MTHFD2L: variants seen among roughly 807,000 people sequenced by gnomAD.
The protein encoded by MTHFD2L is methylenetetrahydrofolate dehydrogenase (NADP+ dependent) 2 like, also known as bifunctional methylenetetrahydrofolate dehydrogenase/cyclohydrolase 2, mitochondrial.
In MTHFD2L, 29 loss-of-function variants were observed where a neutral mutation model predicts 34.9. The ratio of observed to expected loss-of-function variants is 0.83; its 90% CI spans 0.62 to 1.13. The LOEUF is 1.13. Among genes scored for constraint, MTHFD2L ranks in the 50% most tolerant of loss-of-function variants. The pLI, the probability that MTHFD2L is intolerant of heterozygous loss-of-function variation, is 0.00. For synonymous variants in MTHFD2L, 167 were observed against 155.7 expected (o/e 1.07, Z -0.54); for missense variants, 481 against 446.5 (o/e 1.08, Z -0.70).
intron 1 of MTHFD2L, among the ~76,000 whole-genome samples, chr4:74,149,205 T>A (rs1723783619): frequency 6.6e-6 from 1 of 151,888 alleles, no homozygotes; most frequent in Non-Finnish European, 1.5e-5. Flanking sequence ...AGTGGTTTCC[T>A]GCTGTTGGGT....
chr4:74,158,288 G>A lies in MTHFD2L; in HGVS notation c.143+7G>A. 1 of 1,305,712 alleles carries A rather than the reference G, an allele frequency of 7.7e-7. No homozygotes were observed. The highest frequency in any genetic ancestry group is 9.7e-7 in the Non-Finnish European group (1 of 1,026,668). 80.9% of individuals were successfully genotyped at this position (1,305,712 alleles called of 1,614,324 possible). A position where few individuals can be genotyped will look rare whatever the true frequency, so the allele number is the denominator to read the frequency against. On this transcript the variant is annotated splice_region_variant and intron_variant, in intron 1 of 7. Coordinates refer to ENST00000325278, the MANE Select transcript of MTHFD2L (RefSeq NM_001144978.3). Reference sequence around the variant, plus strand: ...TTCGGAGCAGCGGTGTGAGGTACGAGGGCTGCGGGCGCCGGGTGCGGAGCC... The same window carrying A: ...TTCGGAGCAGCGGTGTGAGGTACGAAGGCTGCGGGCGCCGGGTGCGGAGCC...
chr4:74,265,377 A>G (rs948558634), intron 6 of MTHFD2L, among the ~76,000 whole-genome samples: 2 of 152,194 alleles, frequency 1.3e-5, no homozygotes, highest in African/African-American at 4.8e-5. Flanking sequence ...TCTCATGGCC[A>G]TGGCAGAAAT....
Position 74,225,292 on chromosome 4 carries a change from T to G in MTHFD2L, c.713-10T>G. ...CAGTAATCACTGATAGAAATTCTTCTGTATTCCAGGTGATGCAACTGTGAC... is the reference window on the plus strand; with the variant it reads ...CAGTAATCACTGATAGAAATTCTTCGGTATTCCAGGTGATGCAACTGTGAC... On this transcript the variant is annotated splice_polypyrimidine_tract_variant and intron_variant, in intron 5 of 7. Transcript: ENST00000325278. 1 of 1,603,034 alleles carries G rather than the reference T, an allele frequency of 6.2e-7. No individual in the cohort carries two copies. The highest frequency in any genetic ancestry group is 1.7e-4 in the Middle Eastern group (1 of 6,000).
chr4:74,168,001 G>GCTA (rs1727114509), intron 1 of MTHFD2L, among the ~76,000 whole-genome samples: 1 of 151,868 alleles, frequency 6.6e-6, no homozygotes. Context: ...CACCTCCATG[G>GCTA]CTACCCCTTT....
Position 74,174,643 on chromosome 4 carries a change from C to G in MTHFD2L, c.281C>G (p.Ala94Gly). Reference sequence around the variant, plus strand: ...ATAATTTTAGTGGGAGATAACCCAGCAAGCCATACATATGTCAGGAATAAG... The same window carrying G: ...ATAATTTTAGTGGGAGATAACCCAGGAAGCCATACATATGTCAGGAATAAG... Reference protein sequence around the residue: ...LSIILVGDNPASHTYVRNKIR... With the variant: ...LSIILVGDNPGSHTYVRNKIR... Residue 94 changes from alanine to glycine, a missense_variant, in exon 2 of 8, where the codon GCA becomes GGA. Ala to Gly is a moderately conservative substitution (Grantham distance 60, BLOSUM62 0). Transcript: ENST00000325278. 2 of 1,597,356 alleles carry G rather than the reference C, an allele frequency of 1.3e-6. No homozygotes were observed. The highest frequency in any genetic ancestry group is 2.3e-5 in the East Asian group (1 of 43,896).
At chr4:74,169,776 C>G (rs1336076430) in intron 1 of MTHFD2L, among the ~76,000 whole-genome samples, 1 of 152,086 alleles carries the variant, frequency 6.6e-6, no homozygotes, top group African/African-American at 2.4e-5. Context: ...CATAAAATAT[C>G]CTTACCAGAA....
intron 1 of MTHFD2L, among the ~76,000 whole-genome samples, chr4:74,169,250 T>C (rs1461387330): frequency 2.6e-5 from 4 of 152,344 alleles, no homozygotes; most frequent in East Asian, 1.9e-4. Context: ...GTATGCACGG[T>C]ACAGTTAAGT....
chr4:74,145,834 C>T (rs947929719), intron 1 of MTHFD2L, among the ~76,000 whole-genome samples: 3 of 152,126 alleles, frequency 2.0e-5, no homozygotes, highest in Admixed American at 6.5e-5. Flanking sequence ...AGCACCTTTT[C>T]CCCTGCTCTC....
At chr4:74,244,580 A>G (rs1228431222) in intron 6 of MTHFD2L, among the ~76,000 whole-genome samples, 2 of 152,204 alleles carry the variant, frequency 1.3e-5, no homozygotes, top group Non-Finnish European at 2.9e-5. Flanking sequence ...GTATAATGAT[A>G]TGTGGCAATG....
At chr4:74,134,170 C>T (rs936646599) in intron 1 of MTHFD2L, among the ~76,000 whole-genome samples, 1 of 152,146 alleles carries the variant, frequency 6.6e-6, no homozygotes, top group Non-Finnish European at 1.5e-5. Context: ...ACTGTGACTG[C>T]CTGGAGGGAG....
chr4:74,173,917 C>T (rs1299130667), intron 1 of MTHFD2L, among the ~76,000 whole-genome samples: 3 of 152,094 alleles, frequency 2.0e-5, no homozygotes, highest in East Asian at 3.9e-4. Context: ...TGTACACTGT[C>T]GTTAGCATCT....
intron 6 of MTHFD2L, among the ~76,000 whole-genome samples, chr4:74,228,520 A>T (rs1050598334): frequency 6.6e-6 from 1 of 152,234 alleles, no homozygotes; most frequent in Non-Finnish European, 1.5e-5. Context: ...ATCTCTCATC[A>T]TGCCTTCCTA....
intron 6 of MTHFD2L, among the ~76,000 whole-genome samples, chr4:74,228,357 C>T (rs926684089): frequency 1.9e-4 from 29 of 152,154 alleles, no homozygotes; most frequent in African/African-American, 6.3e-4. Flanking sequence ...CATCTTTGTC[C>T]GTTTCTAACC....
intron 7 of MTHFD2L, among the ~76,000 whole-genome samples, chr4:74,300,002 C>T (rs1041829305): frequency 2.0e-5 from 3 of 151,762 alleles, no homozygotes; most frequent in Admixed American, 1.3e-4. Context: ...GAATAATGAT[C>T]CAGGTAGAAG....
chr4:74,250,487 T>G (rs925585199), intron 6 of MTHFD2L, among the ~76,000 whole-genome samples: 4 of 152,182 alleles, frequency 2.6e-5, no homozygotes, highest in African/African-American at 9.6e-5. Context: ...TTGGCTGCCT[T>G]GTTCATGGTT....
intron 1 of MTHFD2L, among the ~76,000 whole-genome samples, chr4:74,126,465 G>A (rs958755198): frequency 6.6e-5 from 10 of 152,086 alleles, no homozygotes; most frequent in African/African-American, 2.2e-4. Flanking sequence ...CTAGTGAGGA[G>A]TAAACATGAG....
At chr4:74,190,887 C>T (rs952351760) in intron 3 of MTHFD2L, among the ~76,000 whole-genome samples, 4 of 152,050 alleles carry the variant, frequency 2.6e-5, no homozygotes, top group Non-Finnish European at 5.9e-5. Context: ...GTTTGCCTCA[C>T]TTATATATTC....
In MTHFD2L at chr4:74,158,255, C is replaced by T; in HGVS notation, c.117C>T (p.Phe39=). The T allele has an allele frequency of 4.8e-6, 7 of 1,459,596 alleles. No homozygotes were observed. Among genetic ancestry groups the T allele is most frequent in the Non-Finnish European group, 6.3e-6 (7 of 1,107,740 alleles). 90.4% of individuals were successfully genotyped at this position (1,459,596 alleles called of 1,614,324 possible). The change falls in exon 1 of 8, where the codon TTC becomes TTT. Residue 39 remains phenylalanine (F), a synonymous_variant. Transcript: ENST00000325278. ...VRAPGEPGSA[F]RGFRSSGVRH... ...CACCGGGAGAGCCCGGGAGTGCGTT[C>T]CGGGGCTTTCGGAGCAGCGGTGTGA...
At chr4:74,142,895 C>A (rs1032955479) in intron 1 of MTHFD2L, among the ~76,000 whole-genome samples, 1 of 152,110 alleles carries the variant, frequency 6.6e-6, no homozygotes, top group Middle Eastern at 3.2e-3. Context: ...CTCTGCCACT[C>A]GAGTAATCTT....
Sources: allele counts gnomAD v4.1 joint callset (sites outside exome capture counted in the v4.1 genomes callset), GRCh38; gene constraint gnomAD v4.1.1; transcripts MANE v1.5; gene names NCBI Gene and HGNC (gene_info 2026-07-23, HGNC 2026-07-21).